Variants in NT5DC3 observed in about 807,000 individuals in gnomAD.
NT5DC3 encodes the protein 5'-nucleotidase domain-containing protein 3.
Under a neutral mutation model 67.8 loss-of-function variants are expected in NT5DC3, and 42 were observed. That is an observed-to-expected ratio of 0.62 (90% CI 0.48 to 0.80). The LOEUF (loss-of-function observed/expected upper bound fraction) is 0.80. Ranked by LOEUF, NT5DC3 falls within the 30% of genes least tolerant of loss-of-function variation. The pLI, the probability that NT5DC3 is intolerant of heterozygous loss-of-function variation, is 0.00. For missense variants in NT5DC3, 570 were observed against 696.4 expected, an observed-to-expected ratio of 0.82 and a Z score of 2.04; for synonymous variants, 237 against 255.6, an observed-to-expected ratio of 0.93 and a Z score of 0.69.
the NT5DC3 span, chr12:103,759,301 G>A: frequency 8.1e-6 from 13 of 1,608,840 alleles, no homozygotes; most frequent in African/African-American, 2.7e-5. Context: ...CTTCTTGGGG[G>A]AACGGGAGAT....
chr12:103,797,898 T>C lies in NT5DC3; in HGVS notation c.615+689A>G, dbSNP rs1010120696. On this transcript the variant is annotated intron_variant, in intron 5 of 13. Transcript: ENST00000392876. ...CATCATGGCTCAGCCTAGCCTATCT[T>C]AAGCATTCTCAGAACATTTATATTA... Among the ~76,000 whole-genome samples, 12 of 152,366 alleles carry C rather than the reference T, an allele frequency of 7.9e-5. No individual in the cohort carries two copies. In the South Asian group the frequency reaches 1.7e-3, roughly 21 times the overall value.
the NT5DC3 span, chr12:103,750,620 T>C: frequency 1.9e-6 from 3 of 1,614,220 alleles, no homozygotes; most frequent in Admixed American, 1.7e-5. Flanking sequence ...ATGTCGGAGA[T>C]GGGCTGAACT....
chr12:103,815,781 G>C (rs913768951), intron 1 of NT5DC3, among the ~76,000 whole-genome samples: 1 of 152,096 alleles, frequency 6.6e-6, no homozygotes, highest in Non-Finnish European at 1.5e-5. Context: ...GACTTTAAAA[G>C]GGTGAATTGT....
chr12:103,746,954 T>TTC, the NT5DC3 span, among the ~76,000 whole-genome samples: 72 of 126,312 alleles, frequency 5.7e-4, 2 homozygotes, highest in South Asian at 6.9e-3. Flanking sequence ...TCTTTCTTTT[T>TTC]TTTTTTTTTT....
At chr12:103,791,850 G>A (rs1260723582) in intron 9 of NT5DC3, among the ~76,000 whole-genome samples, 1 of 152,186 alleles carries the variant, frequency 6.6e-6, no homozygotes. Flanking sequence ...TGCTCCTTAT[G>A]AGAATCTAAT....
At chr12:103,762,799 C>G in the NT5DC3 span, among the ~76,000 whole-genome samples, 6 of 152,232 alleles carry the variant, frequency 3.9e-5, no homozygotes, top group Non-Finnish European at 7.3e-5. Context: ...GGGGACAGGG[C>G]TAGGGACCCT....
intron 9 of NT5DC3, among the ~76,000 whole-genome samples, chr12:103,791,630 C>G (rs968683011): frequency 6.6e-6 from 1 of 152,208 alleles, no homozygotes; most frequent in African/African-American, 2.4e-5. Flanking sequence ...TCTGCCAGAG[C>G]AGGGGTCCCC....
chr12:103,753,588 G>A, the NT5DC3 span, among the ~76,000 whole-genome samples: 1 of 152,084 alleles, frequency 6.6e-6, no homozygotes, highest in Non-Finnish European at 1.5e-5. Flanking sequence ...TCTGAAGGCA[G>A]AGCAGGTGTT....
At chr12:103,750,538 G>T in the NT5DC3 span, 10 of 1,608,588 alleles carry the variant, frequency 6.2e-6, no homozygotes, top group Admixed American at 1.7e-4. Context: ...TGGGGTCCTA[G>T]AGAAGGAACT....
chr12:103,796,242 C>T (rs541642201), intron 6 of NT5DC3, among the ~76,000 whole-genome samples: 104 of 151,978 alleles, frequency 6.8e-4, no homozygotes, highest in Admixed American at 1.1e-3. Flanking sequence ...CCTGGCCGGG[C>T]GTGGTGGCTC....
At chr12:103,786,076 C>A (rs550954403) in intron 11 of NT5DC3, among the ~76,000 whole-genome samples, 1 of 152,204 alleles carries the variant, frequency 6.6e-6, no homozygotes, top group East Asian at 1.9e-4. Context: ...TTATCAAGCA[C>A]TACTATTTGC....
Position 103,840,935 on chromosome 12 carries a change from G to A in NT5DC3, c.208+14C>T. On this transcript the variant is annotated intron_variant, in intron 1 of 13. Coordinates refer to ENST00000392876, the MANE Select transcript of NT5DC3 (RefSeq NM_001031701.3). ...GGGCCCCAGGCGCCGGGGCGGGGTC[G>A]CCGCCTCACTCACCTTCTGTGCTTC... 5 of 1,344,404 alleles carry A rather than the reference G, an allele frequency of 3.7e-6. No individual in the cohort carries two copies. The highest frequency in any genetic ancestry group is 2.9e-6 in the Non-Finnish European group (3 of 1,036,788). 83.3% of individuals were successfully genotyped at this position (1,344,404 alleles called of 1,614,324 possible).
intron 1 of NT5DC3, among the ~76,000 whole-genome samples, chr12:103,820,264 G>A (rs540551522): frequency 1.3e-5 from 2 of 152,312 alleles, no homozygotes; most frequent in South Asian, 4.1e-4. Context: ...ATACCTAGAA[G>A]GGGAATTCTT....
chr12:103,799,804 C>CAAAAAAAAAAAAAAAAAAAAAAAAAAA (rs72379630), intron 4 of NT5DC3, among the ~76,000 whole-genome samples: 1 of 131,494 alleles, frequency 7.6e-6, no homozygotes. Context: ...CTCCACATAC[C>CAAAAAAAAAAAAAAAAAAAAAAAAAAA]AAAAAAAAAA....
intron 6 of NT5DC3, among the ~76,000 whole-genome samples, chr12:103,795,292 ATTT>A (rs1054032357): frequency 3.3e-5 from 5 of 152,156 alleles, no homozygotes; most frequent in African/African-American, 1.2e-4. Flanking sequence ...TATTATGAAG[ATTT>A]AGTAAGTTAA....
intron 1 of NT5DC3, among the ~76,000 whole-genome samples, chr12:103,830,065 T>C (rs1887861248): frequency 6.6e-6 from 1 of 152,230 alleles, no homozygotes; most frequent in South Asian, 2.1e-4. Flanking sequence ...TCAATAATCG[T>C]GGTTGACATT....
rs372156797 is a variant in NT5DC3 at position 103,777,925 on chromosome 12, G to A, written c.1551C>T (p.Tyr517=). 82 of 1,614,090 alleles carry A rather than the reference G, an allele frequency of 5.1e-5. No individual in the cohort carries two copies. The highest frequency in any genetic ancestry group is 3.3e-4 in the South Asian group (30 of 91,094). ...LLNYDVSHTF[Y]PRRTPLQHEL... ...CGTGCTGCAGTGGAGTCCTCCGGGGGTAGAAAGTGTGGCTGACGTCATAGT... is the reference window on the plus strand; with the variant it reads ...CGTGCTGCAGTGGAGTCCTCCGGGGATAGAAAGTGTGGCTGACGTCATAGT... Residue 517 remains tyrosine, a synonymous_variant, in exon 14 of 14, where the codon TAC becomes TAT. Coordinates refer to ENST00000392876, the MANE Select transcript of NT5DC3 (RefSeq NM_001031701.3).
At position 103,818,516 on chromosome 12, in the gene NT5DC3, C is replaced by T. The variant is rs142634472; in HGVS notation, c.209-3395G>A. ...TCTGCCTCCCAAGTAGCTGAGATTACAGGTGTGCACCACCACGCCTGGCTA... is the reference window on the plus strand; with the variant it reads ...TCTGCCTCCCAAGTAGCTGAGATTATAGGTGTGCACCACCACGCCTGGCTA... On this transcript the variant is annotated intron_variant, in intron 1 of 13. Transcript: ENST00000392876. Among the ~76,000 whole-genome samples the T allele has an allele frequency of 8.2e-3, 1,237 of 151,284 alleles. 18 individuals are homozygous for T. The highest frequency in any genetic ancestry group is 0.029 in the African/African-American group (1,184 of 41,462).
At chr12:103,769,513 G>A (rs770386854), downstream of NT5DC3, among the ~76,000 whole-genome samples, 43 of 152,326 alleles carry the variant, frequency 2.8e-4, no homozygotes, top group East Asian at 5.8e-4. Flanking sequence ...CCAGAACAGC[G>A]CAGGGCACAG....
Sources: allele counts gnomAD v4.1 joint callset (sites outside exome capture counted in the v4.1 genomes callset), GRCh38; gene constraint gnomAD v4.1.1; transcripts MANE v1.5; gene names NCBI Gene and HGNC (gene_info 2026-07-23, HGNC 2026-07-21).